PRKAA1: variants seen among roughly 807,000 people sequenced by gnomAD.
PRKAA1 encodes the protein protein kinase AMP-activated catalytic subunit alpha 1.
Under a neutral mutation model 56.9 loss-of-function variants are expected in PRKAA1, and 23 were observed. That is an observed-to-expected ratio of 0.40 (90% CI 0.29 to 0.57). The LOEUF (loss-of-function observed/expected upper bound fraction) is 0.57, where lower values mean the gene tolerates loss of function less well. Among genes scored for constraint, PRKAA1 ranks in the 20% least tolerant of loss-of-function variants. The probability of loss-of-function intolerance (pLI) is 0.39; values close to 1 mark genes in which losing one functional copy is unlikely to be tolerated. For synonymous variants in PRKAA1, 226 were observed against 227.0 expected (o/e 1.00, Z 0.04); for missense variants, 413 against 679.7 (o/e 0.61, Z 4.36).
At chr5:40,787,134 A>G (rs567758098) in intron 1 of PRKAA1, among the ~76,000 whole-genome samples, 1 of 152,156 alleles carries the variant, frequency 6.6e-6, no homozygotes, top group South Asian at 2.1e-4. Flanking sequence ...AATGAATTAT[A>G]TATCTAGTAT....
chr5:40,780,595 C>A (rs1238956030), intron 1 of PRKAA1, among the ~76,000 whole-genome samples: 2 of 152,112 alleles, frequency 1.3e-5, no homozygotes, highest in Non-Finnish European at 2.9e-5. Flanking sequence ...TGGCTCAGTC[C>A]AAAGACCTCA....
At chr5:40,786,254 C>CAA (rs35972942) in intron 1 of PRKAA1, among the ~76,000 whole-genome samples, 1,909 of 123,778 alleles carry the variant, frequency 0.015, 18 homozygotes, top group Admixed American at 0.035. Flanking sequence ...GACTCCGTCT[C>CAA]AAAAAAAAAA....
chr5:40,777,020 AT>A (rs202049547), intron 2 of PRKAA1: 10 of 153,106 alleles, frequency 6.5e-5, no homozygotes, highest in South Asian at 4.0e-4. Flanking sequence ...AGAAACTTTT[AT>A]TTTTTTTTGG....
Position 40,764,818 on chromosome 5 carries a change from T to C in PRKAA1, c.1242A>G (p.Gln414=). 6.2e-7 allele frequency: 1 copy of C among 1,614,134 alleles called. No homozygotes were observed. Among genetic ancestry groups the C allele is most frequent in the Non-Finnish European group, 8.5e-7 (1 of 1,179,966 alleles). ...KAKWHLGIRS[Q]SRPNDIMAEV... ...CTGCCATAATATCATTTGGTCGACT[T>C]TGACTTCTAATTCCTAAATGCCATT... The change falls in exon 7 of 9, where the codon CAA becomes CAG. Residue 414 remains glutamine (Q), a synonymous_variant. Coordinates refer to ENST00000397128, the MANE Select transcript of PRKAA1 (RefSeq NM_006251.6).
In PRKAA1 at chr5:40,759,539, T is replaced by C. The variant is rs1396659215; in HGVS notation, c.*3239A>G. 6.6e-6 allele frequency: 1 copy of C among 152,358 alleles called. No homozygotes were observed. Among genetic ancestry groups the C allele is most frequent in the African/African-American group, 2.4e-5 (1 of 41,450 alleles). 9.4% of individuals were successfully genotyped at this position (152,358 alleles called of 1,614,324 possible). ...CAGTTATGTTGTATGTGGAATTTCA[T>C]TCTTGTCAGAACTCACAATGGAAAT... On this transcript the variant is annotated 3_prime_UTR_variant, in exon 9 of 9. Transcript: ENST00000397128.
At position 40,772,848 on chromosome 5, in the gene PRKAA1, G is replaced by C. The variant is rs904043002; in HGVS notation, c.364-985C>G. Reference sequence around the variant, plus strand: ...AGGACTTTGCCATGTTGCCCAGGCTGGTCTCGAACTCCTGAGCTCAGGCAA... The same window carrying C: ...AGGACTTTGCCATGTTGCCCAGGCTCGTCTCGAACTCCTGAGCTCAGGCAA... On this transcript the variant is annotated intron_variant, in intron 3 of 8. Coordinates refer to ENST00000397128, the MANE Select transcript of PRKAA1 (RefSeq NM_006251.6). Among the ~76,000 whole-genome samples, 128 of 152,256 alleles carry C rather than the reference G, an allele frequency of 8.4e-4. 2 individuals are homozygous for C. The highest frequency in any genetic ancestry group is 2.9e-3 in the African/African-American group (121 of 41,554).
At position 40,794,942 on chromosome 5, in the gene PRKAA1, G is replaced by A. The variant is rs559959767; in HGVS notation, c.127+3121C>T. On this transcript the variant is annotated intron_variant, in intron 1 of 8. Coordinates refer to ENST00000397128, the MANE Select transcript of PRKAA1 (RefSeq NM_006251.6). ...CAGCACAATTCACAATTGCAAAATCGTGGAACCAATCCAAATGCCCATCAC... is the reference window on the plus strand; with the variant it reads ...CAGCACAATTCACAATTGCAAAATCATGGAACCAATCCAAATGCCCATCAC... 3.0e-4 allele frequency among the ~76,000 whole-genome samples: 46 copies of A among 151,792 alleles called. 1 individual carries two copies. The highest frequency in any genetic ancestry group is 5.9e-5 in the Non-Finnish European group (4 of 67,988).
At chr5:40,773,661 G>A (rs1046665638) in intron 3 of PRKAA1, among the ~76,000 whole-genome samples, 1 of 151,774 alleles carries the variant, frequency 6.6e-6, no homozygotes, top group African/African-American at 2.4e-5. Flanking sequence ...AAGCCTATAG[G>A]GGTAGAAACC....
At chr5:40,771,645 G>A in intron 4 of PRKAA1, 74 bp downstream of exon 4, 1 of 1,425,098 alleles carries the variant, frequency 7.0e-7, no homozygotes, top group Non-Finnish European at 9.5e-7. Flanking sequence ...GTTATCTGAA[G>A]AATTCTAGGT....
chr5:40,774,549 A>AT lies in PRKAA1; in HGVS notation c.363+860dup, dbSNP rs34814119. On this transcript the variant is annotated intron_variant, in intron 3 of 8. Transcript: ENST00000397128. ...CCTGTTTCCCATTTCTCCAGGCAGAATTTTTTTTTTTTTTTTTTTTTTGGT... is the reference window on the plus strand; with the variant it reads ...CCTGTTTCCCATTTCTCCAGGCAGAATTTTTTTTTTTTTTTTTTTTTTTGGT... Among the ~76,000 whole-genome samples, 1,039 of 125,052 alleles carry AT rather than the reference A, an allele frequency of 8.3e-3. 5 individuals are homozygous for AT. Among genetic ancestry groups the AT allele is most frequent in the Non-Finnish European group, 0.012 (715 of 59,334 alleles). 82.0% of individuals were successfully genotyped at this position (125,052 alleles called of 152,430 possible). A position where few individuals can be genotyped will look rare whatever the true frequency, so the allele number is the denominator to read the frequency against.
intron 1 of PRKAA1, among the ~76,000 whole-genome samples, chr5:40,788,904 T>C (rs939517189): frequency 7.9e-5 from 12 of 151,944 alleles, no homozygotes; most frequent in African/African-American, 2.9e-4. Flanking sequence ...TTACAAATCA[T>C]GCATCAGATA....
chr5:40,769,622 C>A, intron 4 of PRKAA1, 119 bp from the exon 5 acceptor site: 1 of 812,724 alleles, frequency 1.2e-6, no homozygotes. Flanking sequence ...TTATTTGCTT[C>A]AACAAAATCC....
At chr5:40,785,889 G>A (rs1744460204) in intron 1 of PRKAA1, among the ~76,000 whole-genome samples, 2 of 150,812 alleles carry the variant, frequency 1.3e-5, no homozygotes, top group African/African-American at 2.4e-5. Context: ...GCAAGCGAGC[G>A]CAGCCATTTG....
At position 40,771,819 on chromosome 5, in the gene PRKAA1, A is replaced by T; in HGVS notation, c.408T>A (p.Ser136=). 1.2e-6 allele frequency: 2 copies of T among 1,612,446 alleles called. 1 individual carries two copies. Among genetic ancestry groups the T allele is most frequent in the Non-Finnish European group, 1.7e-6 (2 of 1,179,672 alleles). The change falls in exon 4 of 9, where the codon TCT becomes TCA. Residue 136 remains serine, a synonymous_variant. Transcript: ENST00000397128. Reference sequence around the variant, plus strand: ...TATGCCTGTGACAATAATCCACACCAGAAAGGATCTGTTGGAACAGACGCC... The same window carrying T: ...TATGCCTGTGACAATAATCCACACCTGAAAGGATCTGTTGGAACAGACGCC... ...ESRRLFQQIL[S]GVDYCHRHMV...
intron 1 of PRKAA1, among the ~76,000 whole-genome samples, chr5:40,785,878 A>AGAGAGAGAGGGAGAGAGAGC (rs1454892834): frequency 6.0e-5 from 9 of 149,038 alleles, no homozygotes; most frequent in African/African-American, 2.2e-4. Context: ...AGAGAGAGAG[A>AGAGAGAGAGGGAGAGAGAGC]GCAAGCGAGC....
chr5:40,785,288 G>A (rs1209681961), intron 1 of PRKAA1, among the ~76,000 whole-genome samples: 2 of 151,878 alleles, frequency 1.3e-5, no homozygotes, highest in African/African-American at 2.4e-5. Flanking sequence ...TGCCCAGGCT[G>A]GAGTGCAATG....
chr5:40,795,006 T>TACACACACACACAC (rs1468122343), intron 1 of PRKAA1, among the ~76,000 whole-genome samples: 126 of 139,942 alleles, frequency 9.0e-4, no homozygotes, highest in African/African-American at 3.1e-3. Context: ...TATACATATA[T>TACACACACACACAC]ATACACACAC....
chr5:40,782,296 A>G (rs1744294950), intron 1 of PRKAA1, among the ~76,000 whole-genome samples: 1 of 152,208 alleles, frequency 6.6e-6, no homozygotes, highest in Non-Finnish European at 1.5e-5. Context: ...ATATCCTGTC[A>G]TTTAATAAGG....
chr5:40,767,725 A>T, intron 5 of PRKAA1, 35 bp from the exon 6 acceptor site: 1 of 1,508,142 alleles, frequency 6.6e-7, no homozygotes, highest in African/African-American at 1.4e-5. Context: ...TTAAAGAATC[A>T]TTTTAACCTA....
Sources: gnomAD v4.1 joint callset for allele counts (sites outside exome capture counted in the v4.1 genomes callset) on GRCh38, gnomAD v4.1.1 for gene constraint, MANE v1.5 for transcripts, NCBI Gene and HGNC (gene_info 2026-07-23, HGNC 2026-07-21) for gene names.